Variants in PDE4D observed in about 807,000 individuals in gnomAD.
The protein encoded by PDE4D is 3',5'-cyclic-AMP phosphodiesterase 4D.
In PDE4D, 24 loss-of-function variants were observed where a neutral mutation model predicts 87.4. That is an observed-to-expected ratio of 0.27 (90% CI 0.20 to 0.39). The LOEUF is 0.39. Ranked by LOEUF, PDE4D falls within the 10% of genes least tolerant of loss-of-function variation. The pLI, the probability that PDE4D is intolerant of heterozygous loss-of-function variation, is 1.00. For missense variants in PDE4D, 714 were observed against 1,041.0 expected, an observed-to-expected ratio of 0.69 and a Z score of 4.32; for synonymous variants, 384 against 383.2, an observed-to-expected ratio of 1.00 and a Z score of -0.02.
chr5:59,432,862 T>G lies in PDE4D; in HGVS notation c.456-216894A>C, dbSNP rs1796303331. 2.6e-5 allele frequency among the ~76,000 whole-genome samples: 4 copies of G among 152,278 alleles called. 1 individual carries two copies. The highest frequency in any genetic ancestry group is 9.6e-5 in the African/African-American group (4 of 41,562). ...AAAGTTAGTAAATAGTAAATAATTT[T>G]TATTAATTTGCATAATTATGAAGAG... On this transcript the variant is annotated intron_variant, in intron 1 of 14. Coordinates refer to ENST00000340635, the MANE Select transcript of PDE4D (RefSeq NM_001104631.2).
chr5:60,302,072 T>G (rs887037694), intron 1 of PDE4D, among the ~76,000 whole-genome samples: 1 of 152,250 alleles, frequency 6.6e-6, no homozygotes, highest in Non-Finnish European at 1.5e-5. Flanking sequence ...GGATTTGTTT[T>G]GTCAGTATTT....
intron 1 of PDE4D, among the ~76,000 whole-genome samples, chr5:59,549,645 TC>T (rs1398082536): frequency 6.6e-6 from 1 of 152,076 alleles, no homozygotes; most frequent in Non-Finnish European, 1.5e-5. Flanking sequence ...CTCTAAGAAT[TC>T]TATAGGGGAA....
intron 1 of PDE4D, among the ~76,000 whole-genome samples, chr5:59,815,060 C>T (rs1768824786): frequency 6.6e-6 from 1 of 152,124 alleles, no homozygotes; most frequent in South Asian, 2.1e-4. Context: ...AAATAGACAT[C>T]CCATCTGTGG....
chr5:60,108,749 AG>A (rs1408328044), intron 2 of PDE4D, among the ~76,000 whole-genome samples: 1 of 152,196 alleles, frequency 6.6e-6, no homozygotes, highest in Non-Finnish European at 1.5e-5. Context: ...GAGAAAAACA[AG>A]CAATGGGGAA....
At chr5:60,025,061 T>G (rs1582232873) in intron 2 of PDE4D, among the ~76,000 whole-genome samples, 2 of 152,144 alleles carry the variant, frequency 1.3e-5, no homozygotes, top group East Asian at 3.9e-4. Context: ...ATTTTTGAGG[T>G]GTATTTTTAC....
chr5:59,411,115 C>A (rs1049670565), intron 1 of PDE4D, among the ~76,000 whole-genome samples: 1 of 152,172 alleles, frequency 6.6e-6, no homozygotes, highest in Admixed American at 6.5e-5. Flanking sequence ...CCTTCATATG[C>A]AGATTTCTCA....
intron 1 of PDE4D, among the ~76,000 whole-genome samples, chr5:59,540,353 AAAACG>A (rs958844026): frequency 3.3e-5 from 5 of 152,198 alleles, no homozygotes; most frequent in African/African-American, 1.2e-4. Flanking sequence ...ATCATTTAAA[AAAACG>A]AAAACAAAAA....
chr5:60,122,671 G>A (rs1778795895), intron 2 of PDE4D, among the ~76,000 whole-genome samples: 1 of 152,180 alleles, frequency 6.6e-6, no homozygotes. Flanking sequence ...TGTGATGGGA[G>A]GGGCTGCTGT....
At chr5:59,807,337 C>T (rs1767853764) in intron 1 of PDE4D, among the ~76,000 whole-genome samples, 1 of 152,186 alleles carries the variant, frequency 6.6e-6, no homozygotes, top group Non-Finnish European at 1.5e-5. Context: ...GAGCTCATGG[C>T]CCGTATCAGC....
At chr5:59,651,573 T>C (rs933185343) in intron 1 of PDE4D, among the ~76,000 whole-genome samples, 1 of 152,036 alleles carries the variant, frequency 6.6e-6, no homozygotes, top group African/African-American at 2.4e-5. Context: ...AACTTTTCCG[T>C]GGAAAATATT....
At chr5:59,494,450 CAAACA>C (rs781759867) in intron 1 of PDE4D, among the ~76,000 whole-genome samples, 4 of 151,970 alleles carry the variant, frequency 2.6e-5, no homozygotes, top group Admixed American at 6.6e-5. Context: ...TCAACCTAAG[CAAACA>C]AAACAAAACA....
Position 60,185,599 on chromosome 5 carries a change from C to T in PDE4D, c.-1G>A, listed in dbSNP as rs1472466392. 34 of 1,528,358 alleles carry T rather than the reference C, an allele frequency of 2.2e-5. No homozygotes were observed. The highest frequency in any genetic ancestry group is 2.7e-5 in the Non-Finnish European group (31 of 1,139,636). 94.7% of individuals were successfully genotyped at this position (1,528,358 alleles called of 1,614,324 possible). ...GCAAATCACAGGTATTTCTTTTCATCGTGGTGTTTTAAGTAATTAAAATGG... is the reference window on the plus strand; with the variant it reads ...GCAAATCACAGGTATTTCTTTTCATTGTGGTGTTTTAAGTAATTAAAATGG... On this transcript the variant is annotated 5_prime_UTR_variant, in exon 2 of 17. Transcript: ENST00000502484.
chr5:59,205,017 C>T (rs188813899), intron 2 of PDE4D, among the ~76,000 whole-genome samples: 1 of 152,210 alleles, frequency 6.6e-6, no homozygotes, highest in Non-Finnish European at 1.5e-5. Flanking sequence ...AATGGATGCT[C>T]ATATTCCCAT....
In PDE4D at chr5:60,059,771, G is replaced by C. The variant is rs1276642367; in HGVS notation, c.43-71054C>G. ...AGGAAAGAGGACACCCAGGAGACAGGCCTCTCCAGCTTAGAGAAATATTTG... is the reference window on the plus strand; with the variant it reads ...AGGAAAGAGGACACCCAGGAGACAGCCCTCTCCAGCTTAGAGAAATATTTG... On this transcript the variant is annotated intron_variant, in intron 2 of 16. Transcript: ENST00000502484. Among the ~76,000 whole-genome samples, 4 of 152,008 alleles carry C rather than the reference G, an allele frequency of 2.6e-5. No homozygotes were observed. In the East Asian group the frequency reaches 5.8e-4, roughly 22 times the overall value.
intron 1 of PDE4D, among the ~76,000 whole-genome samples, chr5:60,402,766 T>A (rs1029134881): frequency 6.6e-6 from 1 of 152,236 alleles, no homozygotes; most frequent in Non-Finnish European, 1.5e-5. Flanking sequence ...ATAAACCAGG[T>A]TGGTATCTAA....
In PDE4D at chr5:59,123,157, C is replaced by T. The variant is rs574603064; in HGVS notation, c.808+57438G>A. Among the ~76,000 whole-genome samples, 7 of 152,018 alleles carry T rather than the reference C, an allele frequency of 4.6e-5. No individual in the cohort carries two copies. The South Asian group carries it at 8.3e-4, about 18-fold the overall frequency. On this transcript the variant is annotated intron_variant, in intron 5 of 14. Coordinates refer to ENST00000340635, the MANE Select transcript of PDE4D (RefSeq NM_001104631.2). The stretch of plus-strand genomic sequence containing the variant: ...ATGGTTGAACTGATCATATTTATAC[C>T]GAATTTCCAAAGATCAATCAACGAG...
intron 1 of PDE4D, among the ~76,000 whole-genome samples, chr5:59,762,350 A>ATATGGGTACACATATG (rs1561615664): frequency 1.6e-5 from 1 of 61,080 alleles, no homozygotes; most frequent in Non-Finnish European, 3.5e-5. Flanking sequence ...ACACATATGC[A>ATATGGGTACACATATG]TATATGTGTA....
At chr5:59,738,011 A>G (rs1191887046) in intron 1 of PDE4D, among the ~76,000 whole-genome samples, 1 of 152,210 alleles carries the variant, frequency 6.6e-6, no homozygotes, top group African/African-American at 2.4e-5. Context: ...TATACATTAA[A>G]GATTTATTAT....
At chr5:60,044,357 T>C (rs1466094147) in intron 2 of PDE4D, among the ~76,000 whole-genome samples, 1 of 116,416 alleles carries the variant, frequency 8.6e-6, no homozygotes, top group Non-Finnish European at 1.8e-5. Context: ...ATTTATACTC[T>C]AGTTTTTCCT....
Sources: allele counts gnomAD v4.1 joint callset (sites outside exome capture counted in the v4.1 genomes callset), GRCh38; gene constraint gnomAD v4.1.1; transcripts MANE v1.5; gene names NCBI Gene and HGNC (gene_info 2026-07-23, HGNC 2026-07-21).